ELAVL2: variants seen among roughly 807,000 people sequenced by gnomAD.
ELAVL2 encodes the protein ELAV like RNA binding protein 2, also known as ELAV-like protein 2.
Under a neutral mutation model 34.6 loss-of-function variants are expected in ELAVL2, and 4 were observed. The ratio of observed to expected loss-of-function variants is 0.12; its 90% CI spans 0.06 to 0.26. The LOEUF is 0.26. ELAVL2 is among the 10% of genes least tolerant of loss of function. The pLI is 1.00. For missense variants in ELAVL2, 432 were observed against 442.8 expected (o/e 0.98, Z 0.22); for synonymous variants, 193 against 154.8 (o/e 1.25, Z -1.83).
At chr9:23,799,730 C>T (rs2061365326) in intron 1 of ELAVL2, among the ~76,000 whole-genome samples, 1 of 152,222 alleles carries the variant, frequency 6.6e-6, no homozygotes, top group Non-Finnish European at 1.5e-5. Flanking sequence ...GTGCTTCCTG[C>T]TAGACTAAGC....
chr9:23,798,287 C>G (rs2061196591), intron 1 of ELAVL2, among the ~76,000 whole-genome samples: 1 of 152,188 alleles, frequency 6.6e-6, no homozygotes, highest in Non-Finnish European at 1.5e-5. Context: ...TAATTTAGTT[C>G]TAACACCTGG....
chr9:23,812,179 T>C (rs1261282508), intron 1 of ELAVL2, among the ~76,000 whole-genome samples: 3 of 152,066 alleles, frequency 2.0e-5, no homozygotes, highest in Admixed American at 6.5e-5. Context: ...CCAAGGAATA[T>C]GAGGTAAAGG....
intron 1 of ELAVL2, among the ~76,000 whole-genome samples, chr9:23,767,285 T>C (rs2056471528): frequency 6.6e-6 from 1 of 152,188 alleles, no homozygotes; most frequent in Non-Finnish European, 1.5e-5. Flanking sequence ...ATTTAGAAAA[T>C]AAATGCTTTA....
At chr9:23,778,635 A>G (rs945704774) in intron 1 of ELAVL2, among the ~76,000 whole-genome samples, 6 of 152,186 alleles carry the variant, frequency 3.9e-5, no homozygotes, top group African/African-American at 1.2e-4. Flanking sequence ...CAAATGTGCT[A>G]AAGAGTATAT....
At chr9:23,794,230 G>A (rs139828273) in intron 1 of ELAVL2, among the ~76,000 whole-genome samples, 1 of 152,306 alleles carries the variant, frequency 6.6e-6, no homozygotes, top group Non-Finnish European at 1.5e-5. Flanking sequence ...TGACACCAAT[G>A]ACATCTACAA....
chr9:23,764,414 T>C (rs563776082), intron 1 of ELAVL2, among the ~76,000 whole-genome samples: 25 of 152,240 alleles, frequency 1.6e-4, no homozygotes, highest in African/African-American at 5.5e-4. Context: ...ACAGCTGCAG[T>C]AGGCTGTGTG....
chr9:23,741,375 G>C (rs2049132176), intron 2 of ELAVL2, among the ~76,000 whole-genome samples: 1 of 152,268 alleles, frequency 6.6e-6, no homozygotes, highest in African/African-American at 2.4e-5. Context: ...TGAGGAAGGA[G>C]GCACACGAGG....
At chr9:23,828,723 A>G (rs570633139), upstream of ELAVL2, among the ~76,000 whole-genome samples, 5 of 152,306 alleles carry the variant, frequency 3.3e-5, no homozygotes, top group East Asian at 9.6e-4. Context: ...AAATTATTTA[A>G]AAAGTGAAAG....
intron 6 of ELAVL2, among the ~76,000 whole-genome samples, 191 bp from the exon 7 acceptor site, chr9:23,693,075 GAT>G (rs1352724629): frequency 4.6e-5 from 7 of 152,182 alleles, no homozygotes; most frequent in African/African-American, 1.7e-4. Flanking sequence ...AGACTACTGA[GAT>G]ATTAATAAGT....
chr9:23,708,774 T>G (rs1013244830), intron 3 of ELAVL2, among the ~76,000 whole-genome samples: 3 of 152,128 alleles, frequency 2.0e-5, no homozygotes, highest in Admixed American at 6.6e-5. Flanking sequence ...TCCAAGTAGC[T>G]GGGATTACAG....
chr9:23,726,267 T>C (rs994915591), intron 3 of ELAVL2, among the ~76,000 whole-genome samples: 4 of 152,154 alleles, frequency 2.6e-5, no homozygotes, highest in Non-Finnish European at 4.4e-5. Flanking sequence ...ATTTTTATAA[T>C]AGAATTTTCC....
chr9:23,707,434 C>A (rs1025402527), intron 3 of ELAVL2, among the ~76,000 whole-genome samples: 4 of 152,116 alleles, frequency 2.6e-5, no homozygotes, highest in Admixed American at 1.3e-4. Context: ...TTACTCTGTT[C>A]CAGATCATGT....
chr9:23,730,881 C>CAACA, intron 3 of ELAVL2, 141 bp downstream of exon 3: 1 of 735,330 alleles, frequency 1.4e-6, no homozygotes, highest in Non-Finnish European at 2.1e-6. Flanking sequence ...TTCCATCTTG[C>CAACA]AACAAACACC....
In ELAVL2 at chr9:23,690,192, T is replaced by C. The variant is rs1190361339; in HGVS notation, c.*2365A>G. Reference sequence around the variant, plus strand: ...AAGAAAACATGTACAGCCTCTTAAATACTCAACAGAATATATTTTCTATTC... The same window carrying C: ...AAGAAAACATGTACAGCCTCTTAAACACTCAACAGAATATATTTTCTATTC... On this transcript the variant is annotated 3_prime_UTR_variant, in exon 7 of 7. Coordinates refer to ENST00000397312, the MANE Select transcript of ELAVL2 (RefSeq NM_004432.5). 6.6e-6 allele frequency: 1 copy of C among 152,598 alleles called. No homozygotes were observed. Among genetic ancestry groups the C allele is most frequent in the Non-Finnish European group, 1.5e-5 (1 of 68,026 alleles). The allele number at this position is 152,598 out of a possible 1,614,324, so 9.5% of individuals were successfully genotyped here. A position where few individuals can be genotyped will look rare whatever the true frequency, so the allele number is the denominator to read the frequency against.
At chr9:23,801,038 T>A (rs768519825) in intron 1 of ELAVL2, among the ~76,000 whole-genome samples, 16 of 152,166 alleles carry the variant, frequency 1.1e-4, no homozygotes, top group Non-Finnish European at 1.9e-4. Context: ...TTAAGGCTAA[T>A]TGTGAACTGT....
At chr9:23,803,755 G>A (rs1029520114) in intron 1 of ELAVL2, among the ~76,000 whole-genome samples, 1 of 152,054 alleles carries the variant, frequency 6.6e-6, no homozygotes, top group Admixed American at 6.6e-5. Context: ...TGGGGTGGGG[G>A]GACAAGTCCC....
chr9:23,720,030 T>A (rs1022920899), intron 3 of ELAVL2, among the ~76,000 whole-genome samples: 1 of 151,954 alleles, frequency 6.6e-6, no homozygotes, highest in Non-Finnish European at 1.5e-5. Context: ...TTTCACTACA[T>A]TGTCCACGCT....
At chr9:23,783,304 G>A (rs1395541026) in intron 1 of ELAVL2, among the ~76,000 whole-genome samples, 1 of 152,188 alleles carries the variant, frequency 6.6e-6, no homozygotes, top group African/African-American at 2.4e-5. Flanking sequence ...TATTCAAGGT[G>A]CCAAGACTGG....
chr9:23,774,812 T>G (rs2057934483), intron 1 of ELAVL2, among the ~76,000 whole-genome samples: 1 of 152,032 alleles, frequency 6.6e-6, no homozygotes, highest in Admixed American at 6.6e-5. Flanking sequence ...ATATTCAGAT[T>G]TACAATACAG....
Sources: gnomAD v4.1 joint callset for allele counts (sites outside exome capture counted in the v4.1 genomes callset) on GRCh38, gnomAD v4.1.1 for gene constraint, MANE v1.5 for transcripts, NCBI Gene and HGNC (gene_info 2026-07-23, HGNC 2026-07-21) for gene names.